Variants in LRRC69 observed in about 807,000 individuals in gnomAD.
The protein encoded by LRRC69 is leucine rich repeat containing 69.
Under a neutral mutation model 37.8 loss-of-function variants are expected in LRRC69, and 42 were observed. The ratio of observed to expected loss-of-function variants is 1.11; its 90% CI spans 0.87 to 1.44. LRRC69 has a LOEUF of 1.44. Ranked by LOEUF, LRRC69 falls within the 40% of genes most tolerant of loss-of-function variation. LRRC69 has a pLI of 0.00. For synonymous variants in LRRC69, 141 were observed against 143.1 expected, an observed-to-expected ratio of 0.99 and a Z score of 0.11; for missense variants, 357 against 401.9, an observed-to-expected ratio of 0.89 and a Z score of 0.96.
At chr8:91,153,769 C>G (rs548682041) in intron 5 of LRRC69, among the ~76,000 whole-genome samples, 2 of 151,930 alleles carry the variant, frequency 1.3e-5, no homozygotes, top group Non-Finnish European at 2.9e-5. Flanking sequence ...CTAGAAAGAT[C>G]TCAAATTGAC....
At chr8:91,127,567 G>GT (rs1813739822) in intron 3 of LRRC69, among the ~76,000 whole-genome samples, 1 of 80,072 alleles carries the variant, frequency 1.2e-5, no homozygotes, top group African/African-American at 4.8e-5. Context: ...TGTCATTTTC[G>GT]TTTTTAAAAA....
intron 7 of LRRC69, among the ~76,000 whole-genome samples, chr8:91,207,056 A>AT (rs1357460638): frequency 6.6e-6 from 1 of 152,014 alleles, no homozygotes; most frequent in Non-Finnish European, 1.5e-5. Context: ...AAACTTATTT[A>AT]TTTTTTTCTA....
At chr8:91,200,883 C>G in intron 7 of LRRC69, 91 bp downstream of exon 7, 1 of 1,228,924 alleles carries the variant, frequency 8.1e-7, no homozygotes, top group Non-Finnish European at 1.1e-6. Context: ...TAGATTTGTA[C>G]CTATGATTGG....
chr8:91,125,059 AT>A (rs1813694505), intron 2 of LRRC69, among the ~76,000 whole-genome samples: 1 of 151,924 alleles, frequency 6.6e-6, no homozygotes, highest in Admixed American at 6.6e-5. Context: ...TAAAGAAAAG[AT>A]ATGAGATCCA....
chr8:91,144,035 C>G (rs1394139991), intron 5 of LRRC69, among the ~76,000 whole-genome samples: 1 of 151,754 alleles, frequency 6.6e-6, no homozygotes, highest in Non-Finnish European at 1.5e-5. Flanking sequence ...ATTTGGTGGT[C>G]AGTAATGATA....
chr8:91,164,735 G>C (rs1295718541), intron 5 of LRRC69, among the ~76,000 whole-genome samples: 1 of 151,630 alleles, frequency 6.6e-6, no homozygotes, highest in African/African-American at 2.4e-5. Flanking sequence ...TGATAAAACT[G>C]AGGCTTTCAG....
intron 7 of LRRC69, among the ~76,000 whole-genome samples, chr8:91,207,397 G>T (rs771486951): frequency 2.6e-5 from 4 of 152,152 alleles, no homozygotes; most frequent in Non-Finnish European, 4.4e-5. Context: ...TTATGTGTGT[G>T]TTTTGTAAAC....
intron 7 of LRRC69, among the ~76,000 whole-genome samples, chr8:91,216,986 C>T (rs746144223): frequency 2.0e-5 from 3 of 152,126 alleles, no homozygotes; most frequent in African/African-American, 7.2e-5. Context: ...AGTCAACCTT[C>T]AAAACCCAGC....
At chr8:91,198,226 G>C (rs1809652358) in intron 6 of LRRC69, among the ~76,000 whole-genome samples, 1 of 152,124 alleles carries the variant, frequency 6.6e-6, no homozygotes, top group African/African-American at 2.4e-5. Flanking sequence ...CAGGCTAAAT[G>C]GTTTACCGTT....
Position 91,135,744 on chromosome 8 carries a change from G to A in LRRC69, c.651+5G>A, listed in dbSNP as rs1237896693. ...ATTCAGATATTTCCATCAGGAGTAA[G>A]TAGAGTCAACTTCCATTATAATTGA... is the stretch of plus-strand genomic sequence containing the variant. On this transcript the variant is annotated splice_donor_5th_base_variant and intron_variant, in intron 5 of 7. Coordinates refer to ENST00000448384, the Ensembl canonical transcript of LRRC69. 1 of 1,390,446 alleles carries A rather than the reference G, an allele frequency of 7.2e-7. No individual in the cohort carries two copies. Among genetic ancestry groups the A allele is most frequent in the African/African-American group, 1.5e-5 (1 of 65,424 alleles). The allele number at this position is 1,390,446 out of a possible 1,614,324, so 86.1% of individuals were successfully genotyped here. A position where few individuals can be genotyped will look rare whatever the true frequency, so the allele number is the denominator to read the frequency against.
intron 5 of LRRC69, among the ~76,000 whole-genome samples, chr8:91,173,461 C>CAA (rs1392751422): frequency 6.6e-6 from 1 of 152,130 alleles, no homozygotes; most frequent in Non-Finnish European, 1.5e-5. Context: ...ATCCTCTTAT[C>CAA]ATTTCTAAGT....
Position 91,176,134 on chromosome 8 carries a change from A to ATATATATTTTTTTTTTT in LRRC69, c.652-13387_652-13386insATATATTTTTTTTTTTT. Among the ~76,000 whole-genome samples, 357 of 75,630 alleles carry ATATATATTTTTTTTTTT rather than the reference A, an allele frequency of 4.7e-3. 15 individuals are homozygous for ATATATATTTTTTTTTTT. Among genetic ancestry groups the ATATATATTTTTTTTTTT allele is most frequent in the African/African-American group, 0.02 (328 of 16,356 alleles). 49.6% of individuals were successfully genotyped at this position (75,630 alleles called of 152,430 possible). Reference sequence around the variant, plus strand: ...ATCCCTCATATATATATATATATATATTTTTTTTTTTTCTTTTTTTTGAGA... The same window carrying ATATATATTTTTTTTTTT: ...ATCCCTCATATATATATATATATATATATATATTTTTTTTTTTTTTTTTTTTTTTCTTTTTTTTGAGA... On this transcript the variant is annotated intron_variant, in intron 5 of 7. Coordinates refer to ENST00000448384, the Ensembl canonical transcript of LRRC69.
intron 5 of LRRC69, among the ~76,000 whole-genome samples, chr8:91,176,470 A>G (rs1000245794): frequency 6.6e-6 from 1 of 152,048 alleles, no homozygotes; most frequent in Non-Finnish European, 1.5e-5. Context: ...AAATAGATGT[A>G]TTAGGGTCTG....
At chr8:91,180,398 TC>T (rs1429200702) in intron 5 of LRRC69, among the ~76,000 whole-genome samples, 1 of 152,120 alleles carries the variant, frequency 6.6e-6, no homozygotes, top group East Asian at 1.9e-4. Context: ...GCAGCTGGCT[TC>T]CCCCAGAGTA....
At chr8:91,175,727 G>C (rs1181206841) in intron 5 of LRRC69, among the ~76,000 whole-genome samples, 1 of 151,984 alleles carries the variant, frequency 6.6e-6, no homozygotes, top group Non-Finnish European at 1.5e-5. Context: ...ACGTTTGGTG[G>C]TCCTATTGTA....
At chr8:91,132,269 TG>T (rs1813821823) in intron 3 of LRRC69, among the ~76,000 whole-genome samples, 1 of 152,028 alleles carries the variant, frequency 6.6e-6, no homozygotes, top group Admixed American at 6.6e-5. Context: ...ATTTATTTAC[TG>T]CCTCTAATGC....
chr8:91,160,744 A>G (rs1329292831), intron 5 of LRRC69, among the ~76,000 whole-genome samples: 1 of 151,298 alleles, frequency 6.6e-6, no homozygotes, highest in Non-Finnish European at 1.5e-5. Flanking sequence ...TCTTTTCTTC[A>G]TAAACTACCC....
rs112715680 is a variant in LRRC69, at chr8:91,165,126, C to T, written c.652-24396C>T. On this transcript the variant is annotated intron_variant, in intron 5 of 7. Coordinates refer to ENST00000448384, the Ensembl canonical transcript of LRRC69. ...CAATTGGCAACATCTGTAGTTCCCC[C>T]ACAAAAGGAAAATTTTGCCTAATTT... Among the ~76,000 whole-genome samples the T allele has an allele frequency of 3.7e-3, 556 of 151,726 alleles. 14 individuals are homozygous for T. The highest frequency in any genetic ancestry group is 4.7e-3 in the Non-Finnish European group (316 of 67,886).
At chr8:91,158,440 T>C (rs576760154) in intron 5 of LRRC69, 145 of 1,331,226 alleles carry the variant, frequency 1.1e-4, no homozygotes, top group Middle Eastern at 5.5e-4. Context: ...TAGAAAGCAA[T>C]AAAATGCATG....
Sources: gnomAD v4.1 joint callset for allele counts (sites outside exome capture counted in the v4.1 genomes callset) on GRCh38, gnomAD v4.1.1 for gene constraint, MANE v1.5 for transcripts, NCBI Gene and HGNC (gene_info 2026-07-23, HGNC 2026-07-21) for gene names.